The following ZFPM2 variants were observed in gnomAD, a reference collection of about 807,000 sequenced individuals.
The protein encoded by ZFPM2 is zinc finger protein, FOG family member 2.
In ZFPM2, 20 loss-of-function variants were observed where a neutral mutation model predicts 98.6. The ratio of observed to expected loss-of-function variants is 0.20; its 90% CI spans 0.14 to 0.29. ZFPM2 has a LOEUF of 0.29. ZFPM2 is among the 10% of genes least tolerant of loss of function. The probability of loss-of-function intolerance (pLI) is 1.00; values close to 1 mark genes in which losing one functional copy is unlikely to be tolerated. For missense variants in ZFPM2, 1,310 were observed against 1,388.6 expected (o/e 0.94, Z 0.90); for synonymous variants, 518 against 502.7 (o/e 1.03, Z -0.41).
intron 3 of ZFPM2, among the ~76,000 whole-genome samples, chr8:105,475,179 T>C (rs1812987458): frequency 6.6e-6 from 1 of 152,214 alleles, no homozygotes; most frequent in Admixed American, 6.5e-5. Context: ...AACAACCCTG[T>C]CACTTCTACT....
At chr8:105,436,512 C>CA (rs11295878) in intron 2 of ZFPM2, among the ~76,000 whole-genome samples, 1,544 of 100,482 alleles carry the variant, frequency 0.015, 10 homozygotes, top group Non-Finnish European at 0.023. Flanking sequence ...AACTCCGTCT[C>CA]AAAAAAAAAA....
At chr8:105,772,011 A>T (rs1812987464) in intron 5 of ZFPM2, among the ~76,000 whole-genome samples, 1 of 134,508 alleles carries the variant, frequency 7.4e-6, no homozygotes, top group South Asian at 2.1e-4. Flanking sequence ...AGTGGTCCTC[A>T]CAAGTGATGG....
intron 3 of ZFPM2, among the ~76,000 whole-genome samples, chr8:105,474,761 T>C (rs951699851): frequency 6.6e-6 from 1 of 152,208 alleles, no homozygotes; most frequent in African/African-American, 2.4e-5. Context: ...AAAACCATCC[T>C]ATGATTAGGT....
rs1401745193 is a variant in ZFPM2 at position 105,318,463 on chromosome 8, C to G, written c.-479C>G. Among the ~76,000 whole-genome samples the G allele has an allele frequency of 6.6e-6, 1 of 151,068 alleles. No individual in the cohort carries two copies. The highest frequency in any genetic ancestry group is 2.4e-5 in the African/African-American group (1 of 41,250). On this transcript the variant is annotated 5_prime_UTR_variant, in exon 1 of 8. Coordinates refer to ENST00000407775, the MANE Select transcript of ZFPM2 (RefSeq NM_012082.4). ...AGAACAGGAGCTGCGCGGCCCGGAG[C>G]GGCGGCGGCGGCGCCGGAGTATCCG...
intron 5 of ZFPM2, among the ~76,000 whole-genome samples, chr8:105,639,999 A>C (rs1377194913): frequency 6.6e-6 from 1 of 152,072 alleles, no homozygotes; most frequent in Non-Finnish European, 1.5e-5. Flanking sequence ...TACTAATAAT[A>C]GCAATTACTA....
At chr8:105,605,708 A>C (rs1254228968) in intron 4 of ZFPM2, among the ~76,000 whole-genome samples, 1 of 152,100 alleles carries the variant, frequency 6.6e-6, no homozygotes, top group East Asian at 1.9e-4. Flanking sequence ...CTTCTATGAG[A>C]AAATGGGGTA....
chr8:105,604,913 T>C (rs1816167281), intron 4 of ZFPM2, among the ~76,000 whole-genome samples: 1 of 152,090 alleles, frequency 6.6e-6, no homozygotes, highest in South Asian at 2.1e-4. Flanking sequence ...TCTTGTATGT[T>C]TTGCTATTTC....
chr8:105,551,482 A>C (rs552941445), intron 3 of ZFPM2, among the ~76,000 whole-genome samples: 1 of 152,334 alleles, frequency 6.6e-6, no homozygotes, highest in South Asian at 2.1e-4. Flanking sequence ...CTCTGAATAA[A>C]AATTTAAAAA....
intron 3 of ZFPM2, among the ~76,000 whole-genome samples, chr8:105,542,738 A>C (rs565847735): frequency 2.6e-5 from 4 of 152,334 alleles, no homozygotes; most frequent in Admixed American, 1.3e-4. Context: ...ATGAATTCAC[A>C]TGCAGTTGTA....
At chr8:105,727,412 G>A (rs1351198671) in intron 5 of ZFPM2, among the ~76,000 whole-genome samples, 2 of 151,644 alleles carry the variant, frequency 1.3e-5, no homozygotes, top group Non-Finnish European at 2.9e-5. Flanking sequence ...ATGAAGCAAT[G>A]TACTATGCGA....
intron 4 of ZFPM2, among the ~76,000 whole-genome samples, chr8:105,589,390 A>C (rs1390660532): frequency 6.6e-6 from 1 of 152,212 alleles, no homozygotes; most frequent in African/African-American, 2.4e-5. Flanking sequence ...ATATGGCTAT[A>C]CTTTATATAT....
At chr8:105,441,523 G>T (rs1291918035) in intron 2 of ZFPM2, among the ~76,000 whole-genome samples, 1 of 134,846 alleles carries the variant, frequency 7.4e-6, no homozygotes, top group Non-Finnish European at 1.6e-5. Context: ...GGGCGCCCCG[G>T]TGTTGGAGTC....
intron 4 of ZFPM2, among the ~76,000 whole-genome samples, chr8:105,598,959 C>A (rs900054933): frequency 4.6e-5 from 7 of 152,166 alleles, no homozygotes; most frequent in Non-Finnish European, 1.0e-4. Flanking sequence ...GTGGTCAGAC[C>A]TTCTGCTAAT....
intron 2 of ZFPM2, among the ~76,000 whole-genome samples, chr8:105,427,737 G>C (rs539881211): frequency 6.6e-6 from 1 of 152,206 alleles, no homozygotes; most frequent in Admixed American, 6.5e-5. Context: ...GTCCTTAAAA[G>C]GTCAAGTAAA....
intron 5 of ZFPM2, among the ~76,000 whole-genome samples, chr8:105,753,237 A>G (rs1162372605): frequency 6.6e-6 from 1 of 152,132 alleles, no homozygotes; most frequent in Non-Finnish European, 1.5e-5. Flanking sequence ...TCCAGAGATC[A>G]GTAGCTTAAA....
intron 5 of ZFPM2, among the ~76,000 whole-genome samples, chr8:105,660,923 C>T (rs965606864): frequency 1.8e-4 from 27 of 152,080 alleles, no homozygotes; most frequent in African/African-American, 5.3e-4. Context: ...AAACAGAAAA[C>T]AGTGCCTTAA....
chr8:105,462,673 T>C (rs184811439), intron 3 of ZFPM2, among the ~76,000 whole-genome samples: 6 of 152,242 alleles, frequency 3.9e-5, no homozygotes, highest in Admixed American at 2.0e-4. Flanking sequence ...TGCCTGACAC[T>C]AAGTGTTGTG....
intron 5 of ZFPM2, among the ~76,000 whole-genome samples, chr8:105,788,233 TTTGGGCA>T: frequency 6.6e-6 from 1 of 152,230 alleles, no homozygotes; most frequent in East Asian, 1.9e-4. Context: ...TGTTCTGTAG[TTTGGGCA>T]TTGGTATTGA....
At chr8:105,745,354 C>G (rs999125982) in intron 5 of ZFPM2, among the ~76,000 whole-genome samples, 1 of 152,056 alleles carries the variant, frequency 6.6e-6, no homozygotes, top group African/African-American at 2.4e-5. Flanking sequence ...TGCATGGAGA[C>G]TATTCATGCA....
Sources: allele counts gnomAD v4.1 joint callset (sites outside exome capture counted in the v4.1 genomes callset), GRCh38; gene constraint gnomAD v4.1.1; transcripts MANE v1.5; gene names NCBI Gene and HGNC (gene_info 2026-07-23, HGNC 2026-07-21).